MAN2A1: variants seen among roughly 807,000 people sequenced by gnomAD.
MAN2A1 encodes the protein mannosidase alpha class 2A member 1.
MAN2A1 carries 76 observed loss-of-function variants against 142.6 expected under a neutral mutation model. The ratio of observed to expected loss-of-function variants is 0.53; its 90% confidence interval spans 0.44 to 0.65. MAN2A1 has a LOEUF of 0.65. MAN2A1 is among the 30% of genes least tolerant of loss of function. MAN2A1 has a pLI of 0.00. For synonymous variants in MAN2A1, 559 were observed against 473.2 expected (o/e 1.18, Z -2.35); for missense variants, 1,311 against 1,365.1 (o/e 0.96, Z 0.62).
At chr5:109,844,973 A>G (rs1404483002) in intron 17 of MAN2A1, among the ~76,000 whole-genome samples, 1 of 152,212 alleles carries the variant, frequency 6.6e-6, no homozygotes, top group Non-Finnish European at 1.5e-5. Context: ...ACAACCAGTA[A>G]TTTGAGGGAG....
chr5:109,719,144 T>C (rs575368579), intron 3 of MAN2A1, among the ~76,000 whole-genome samples: 1 of 152,190 alleles, frequency 6.6e-6, no homozygotes, highest in Non-Finnish European at 1.5e-5. Context: ...TGAGTAGACA[T>C]CCCTAGTAAG....
chr5:109,715,357 T>G (rs1200106596), intron 2 of MAN2A1, among the ~76,000 whole-genome samples: 1 of 143,634 alleles, frequency 7.0e-6, no homozygotes, highest in Non-Finnish European at 1.5e-5. Context: ...TAATTTAAAT[T>G]TTACAAAAGG....
At chr5:109,695,403 A>G (rs1473161424) in intron 1 of MAN2A1, among the ~76,000 whole-genome samples, 1 of 152,108 alleles carries the variant, frequency 6.6e-6, no homozygotes, top group Non-Finnish European at 1.5e-5. Flanking sequence ...TAAAATGACC[A>G]CTTTTATTTG....
intron 4 of MAN2A1, among the ~76,000 whole-genome samples, chr5:109,730,096 C>T (rs996551150): frequency 4.6e-5 from 7 of 152,060 alleles, no homozygotes; most frequent in Non-Finnish European, 1.0e-4. Context: ...ATTAAAGTGA[C>T]ACCTGTATAG....
At chr5:109,780,670 G>A (rs749272454) in intron 8 of MAN2A1, among the ~76,000 whole-genome samples, 14 of 152,156 alleles carry the variant, frequency 9.2e-5, no homozygotes, top group East Asian at 3.9e-4. Flanking sequence ...ATTTGGTATC[G>A]TGTTTCTTTT....
chr5:109,839,816 C>G (rs749727909), intron 16 of MAN2A1, among the ~76,000 whole-genome samples: 1 of 152,036 alleles, frequency 6.6e-6, no homozygotes, highest in East Asian at 1.9e-4. Flanking sequence ...AAATTCTGAT[C>G]CTAGAGGCTT....
chr5:109,852,240 A>G (rs3797674), intron 19 of MAN2A1, among the ~76,000 whole-genome samples: 22,625 of 151,690 alleles, frequency 0.15, 2,665 homozygotes, highest in East Asian at 0.64. Context: ...CTTACCTCCA[A>G]ATGTTATGAT....
intron 19 of MAN2A1, among the ~76,000 whole-genome samples, chr5:109,852,837 T>A (rs1229180264): frequency 6.6e-6 from 1 of 152,202 alleles, no homozygotes; most frequent in African/African-American, 2.4e-5. Context: ...TTGTAGAGAT[T>A]AATTTAAATA....
At chr5:109,826,650 C>T (rs575791881) in intron 16 of MAN2A1, among the ~76,000 whole-genome samples, 1 of 152,162 alleles carries the variant, frequency 6.6e-6, no homozygotes, top group East Asian at 1.9e-4. Context: ...CCTGAACACT[C>T]GGGTTGTCTC....
chr5:109,722,181 A>C (rs925898774), intron 3 of MAN2A1, among the ~76,000 whole-genome samples: 1 of 152,230 alleles, frequency 6.6e-6, no homozygotes, highest in Admixed American at 6.5e-5. Context: ...GCCAAATGTC[A>C]ACTACTTTAG....
intron 1 of MAN2A1, among the ~76,000 whole-genome samples, chr5:109,701,786 TG>T (rs1223410052): frequency 3.9e-5 from 6 of 152,330 alleles, no homozygotes; most frequent in African/African-American, 1.4e-4. Context: ...TCAAGGGTAA[TG>T]ATGAGTGGCT....
At chr5:109,735,864 T>A (rs1030154184) in intron 4 of MAN2A1, among the ~76,000 whole-genome samples, 3 of 149,252 alleles carry the variant, frequency 2.0e-5, no homozygotes, top group Admixed American at 6.8e-5. Context: ...TGACTTTTTA[T>A]AATTTCCATT....
At chr5:109,704,936 T>G (rs949875994) in intron 1 of MAN2A1, among the ~76,000 whole-genome samples, 1 of 152,166 alleles carries the variant, frequency 6.6e-6, no homozygotes, top group African/African-American at 2.4e-5. Flanking sequence ...CACTCAAGTT[T>G]ATATATTTAG....
intron 5 of MAN2A1, among the ~76,000 whole-genome samples, chr5:109,767,135 T>C (rs1753013157): frequency 6.6e-6 from 1 of 152,200 alleles, no homozygotes; most frequent in South Asian, 2.1e-4. Flanking sequence ...ACGTTACTTT[T>C]CTTTATCATG....
chr5:109,865,254 G>A lies in MAN2A1; in HGVS notation c.3282+108G>A, dbSNP rs528825564. The A allele has an allele frequency of 8.9e-6, 7 of 783,012 alleles. No homozygotes were observed. The South Asian group carries it at 1.2e-4, about 13-fold the overall frequency. The allele number at this position is 783,012 out of a possible 1,614,324, so 48.5% of individuals were successfully genotyped here. A position where few individuals can be genotyped will look rare whatever the true frequency, so the allele number is the denominator to read the frequency against. On this transcript the variant is annotated intron_variant, in intron 21 of 21. Transcript: ENST00000261483. ...GTTTCATTGCTTCTTTACTGTCTCAGTTTCATCAGTCTGCAAATTAGTTTG... is the reference window on the plus strand; with the variant it reads ...GTTTCATTGCTTCTTTACTGTCTCAATTTCATCAGTCTGCAAATTAGTTTG...
intron 16 of MAN2A1, among the ~76,000 whole-genome samples, chr5:109,831,167 T>C (rs1236939931): frequency 6.6e-6 from 1 of 152,242 alleles, no homozygotes; most frequent in Non-Finnish European, 1.5e-5. Flanking sequence ...GGTTTTATCA[T>C]CCTGAAATGT....
At chr5:109,856,355 T>C (rs1029816578) in intron 20 of MAN2A1, among the ~76,000 whole-genome samples, 17 of 152,104 alleles carry the variant, frequency 1.1e-4, no homozygotes, top group African/African-American at 3.9e-4. Flanking sequence ...AATAATGTTT[T>C]AACAAAGAGC....
chr5:109,735,835 A>C (rs956503552), intron 4 of MAN2A1, among the ~76,000 whole-genome samples: 1 of 151,638 alleles, frequency 6.6e-6, no homozygotes, highest in African/African-American at 2.4e-5. Context: ...TAAACATTTA[A>C]AGATAATTTG....
At chr5:109,774,303 A>T (rs989642761) in intron 7 of MAN2A1, among the ~76,000 whole-genome samples, 2 of 152,146 alleles carry the variant, frequency 1.3e-5, no homozygotes, top group African/African-American at 4.8e-5. Flanking sequence ...TGTTCAAAGT[A>T]CACTTTTTTC....
Sources: allele counts gnomAD v4.1 joint callset (sites outside exome capture counted in the v4.1 genomes callset), GRCh38; gene constraint gnomAD v4.1.1; transcripts MANE v1.5; gene names NCBI Gene and HGNC (gene_info 2026-07-23, HGNC 2026-07-21).